The following PITPNM3 variants were observed in gnomAD, a reference collection of about 807,000 sequenced individuals.
PITPNM3 encodes the protein PITPNM family member 3.
Under a neutral mutation model 102.0 loss-of-function variants are expected in PITPNM3, and 26 were observed. That is an observed-to-expected ratio of 0.25 (90% CI 0.19 to 0.35). The LOEUF is 0.35. PITPNM3 is among the 10% of genes least tolerant of loss of function. The pLI is 1.00. For missense variants in PITPNM3, 1,083 were observed against 1,346.1 expected (o/e 0.80, Z 3.06); for synonymous variants, 578 against 558.6 (o/e 1.03, Z -0.49).
intron 3 of PITPNM3, among the ~76,000 whole-genome samples, chr17:6,513,315 T>C (rs1907977835): frequency 6.6e-6 from 1 of 151,934 alleles, no homozygotes; most frequent in Non-Finnish European, 1.5e-5. Flanking sequence ...GGAAATTAGA[T>C]AAGAAAAGGA....
chr17:6,484,940 A>G (rs1461842170), intron 4 of PITPNM3, among the ~76,000 whole-genome samples: 1 of 152,062 alleles, frequency 6.6e-6, no homozygotes. Flanking sequence ...TGCCTCACAC[A>G]TCAGCACTCC....
Position 6,491,836 on chromosome 17 carries a change from T to TAAAA in PITPNM3, c.275-7545_275-7544insTTTT, listed in dbSNP as rs1555554455. ...AATGGAATATATATATATATATATA[T>TAAAA]AATAAAGAATTAATTAAGAATTAAG... is the stretch of plus-strand genomic sequence containing the variant. On this transcript the variant is annotated intron_variant, in intron 4 of 19. Transcript: ENST00000262483. Among the ~76,000 whole-genome samples, 7 of 139,286 alleles carry TAAAA rather than the reference T, an allele frequency of 5.0e-5. 1 individual carries two copies. Among genetic ancestry groups the TAAAA allele is most frequent in the Admixed American group, 2.2e-4 (3 of 13,816 alleles). The allele number at this position is 139,286 out of a possible 152,430, so 91.4% of individuals were successfully genotyped here. A position where few individuals can be genotyped will look rare whatever the true frequency, so the allele number is the denominator to read the frequency against.
rs1910607016 is a variant in PITPNM3, at chr17:6,556,312, C to T, written c.22+73G>A. 1.5e-6 allele frequency: 2 copies of T among 1,301,748 alleles called. No homozygotes were observed. 80.6% of individuals were successfully genotyped at this position (1,301,748 alleles called of 1,614,324 possible). A position where few individuals can be genotyped will look rare whatever the true frequency, so the allele number is the denominator to read the frequency against. On this transcript the variant is annotated intron_variant, in intron 1 of 19. Coordinates refer to ENST00000262483, the MANE Select transcript of PITPNM3 (RefSeq NM_031220.4). This position sits in a 1 kb window ranked among gnomAD's most constrained non-coding sequence, Gnocchi z 5.2. ...ACCTGCGCGAGGGGTTCACCTGGGC[C>T]GGCGGCCCCTCCTCTAGACGCGCGA...
At chr17:6,498,574 G>A (rs749512551) in intron 4 of PITPNM3, among the ~76,000 whole-genome samples, 9 of 152,180 alleles carry the variant, frequency 5.9e-5, no homozygotes, top group Non-Finnish European at 1.0e-4. Context: ...AGGCAGGGAC[G>A]CCAGTGCACA....
rs1904444186 is a variant in PITPNM3, at chr17:6,461,409, C to A, written c.2454G>T (p.Arg818=). The change falls in exon 18 of 20, where the codon CGG becomes CGT. Residue 818 remains arginine (R), a synonymous_variant. Coordinates refer to ENST00000262483, the MANE Select transcript of PITPNM3 (RefSeq NM_031220.4). ...FSDGLVHDPL[R]QKAIFLRNLM... ...GGTTGCGCAGGAAGATGGCCTTCTG[C>A]CGCAGCGGGTCATGCACCAGCCCAT... is the stretch of plus-strand genomic sequence containing the variant. 1 of 1,614,032 alleles carries A rather than the reference C, an allele frequency of 6.2e-7. No homozygotes were observed. Among genetic ancestry groups the A allele is most frequent in the Admixed American group, 1.7e-5 (1 of 60,018 alleles).
intron 9 of PITPNM3, 109 bp downstream of exon 9, chr17:6,476,919 AG>A: frequency 7.4e-7 from 1 of 1,360,128 alleles, no homozygotes; most frequent in Non-Finnish European, 1.0e-6. Flanking sequence ...CCAGCATTTC[AG>A]TGCTTATCTA....
At chr17:6,548,671 G>C (rs1910155896) in intron 1 of PITPNM3, among the ~76,000 whole-genome samples, 2 of 152,132 alleles carry the variant, frequency 1.3e-5, no homozygotes, top group Non-Finnish European at 2.9e-5. Context: ...ACAAGTGAAA[G>C]CCTTCCAGCT....
Position 6,466,784 on chromosome 17 carries a change from C to G in PITPNM3, c.1890+1441G>C, listed in dbSNP as rs184209112. On this transcript the variant is annotated intron_variant, in intron 14 of 19. Coordinates refer to ENST00000262483, the MANE Select transcript of PITPNM3 (RefSeq NM_031220.4). Reference sequence around the variant, plus strand: ...ATGAAAACACAGGAGAAATGAAAAACACAAAAACTTATACATGGACGTTCA... The same window carrying G: ...ATGAAAACACAGGAGAAATGAAAAAGACAAAAACTTATACATGGACGTTCA... Among the ~76,000 whole-genome samples the G allele has an allele frequency of 5.3e-5, 8 of 152,166 alleles. No individual in the cohort carries two copies. The East Asian group carries it at 1.2e-3, about 22-fold the overall frequency.
chr17:6,547,002 G>A (rs1190302495), intron 1 of PITPNM3, among the ~76,000 whole-genome samples: 1 of 150,688 alleles, frequency 6.6e-6, no homozygotes, highest in Admixed American at 6.6e-5. Context: ...GCAAGACTCC[G>A]TCTCAAAAAA....
At chr17:6,464,120 G>C (rs1346021762) in intron 16 of PITPNM3, 50 bp downstream of exon 16, 1 of 1,613,066 alleles carries the variant, frequency 6.2e-7, no homozygotes, top group Non-Finnish European at 8.5e-7. Context: ...CTGGCTGGAA[G>C]GGCCATAGAA....
intron 1 of PITPNM3, among the ~76,000 whole-genome samples, chr17:6,553,487 C>G (rs1292573406): frequency 2.6e-5 from 4 of 152,226 alleles, no homozygotes; most frequent in African/African-American, 9.6e-5. Context: ...AAATCTGGCA[C>G]AGCCATGACC....
chr17:6,502,499 G>A lies in PITPNM3; in HGVS notation c.274+1028C>T, dbSNP rs192036298. Reference sequence around the variant, plus strand: ...AGATTCTCTGGCAGGGGATGCCTGTGCAGCCACTCAAGGCTGGGTTCCAGG... The same window carrying A: ...AGATTCTCTGGCAGGGGATGCCTGTACAGCCACTCAAGGCTGGGTTCCAGG... On this transcript the variant is annotated intron_variant, in intron 4 of 19. Transcript: ENST00000262483. Among the ~76,000 whole-genome samples, 11 of 152,268 alleles carry A rather than the reference G, an allele frequency of 7.2e-5. 1 individual carries two copies. Among genetic ancestry groups the A allele is most frequent in the Admixed American group, 3.9e-4 (6 of 15,292 alleles).
chr17:6,460,112 A>T (rs948911703), intron 18 of PITPNM3, among the ~76,000 whole-genome samples: 1 of 152,166 alleles, frequency 6.6e-6, no homozygotes, highest in Non-Finnish European at 1.5e-5. Context: ...CTGGTTTCCA[A>T]GGTTTTCAAG....
intron 1 of PITPNM3, among the ~76,000 whole-genome samples, chr17:6,551,284 G>A (rs932803547): frequency 2.6e-5 from 4 of 152,032 alleles, no homozygotes; most frequent in Non-Finnish European, 5.9e-5. Context: ...GTGAACCCGG[G>A]AGGTGGAGCT....
In PITPNM3 at chr17:6,478,467, C is replaced by G; in HGVS notation, c.777+80G>C. On this transcript the variant is annotated intron_variant, in intron 7 of 19. Coordinates refer to ENST00000262483, the MANE Select transcript of PITPNM3 (RefSeq NM_031220.4). This position sits in a 1 kb window ranked among gnomAD's most constrained non-coding sequence, Gnocchi z 4.4. ...ATTCGAGAACAGCCTGGCCTTGGCC[C>G]TTTCAGTAGATTCCAGCCTCTCTCC... 1 of 1,557,108 alleles carries G rather than the reference C, an allele frequency of 6.4e-7. No individual in the cohort carries two copies. Among genetic ancestry groups the G allele is most frequent in the Non-Finnish European group, 8.8e-7 (1 of 1,135,932 alleles).
At chr17:6,465,141 G>A (rs187641000) in intron 14 of PITPNM3, among the ~76,000 whole-genome samples, 4 of 152,302 alleles carry the variant, frequency 2.6e-5, no homozygotes, top group African/African-American at 9.6e-5. Flanking sequence ...CAACCTCCCG[G>A]GTTCAAGCAA....
rs1440887294 is a variant in PITPNM3, at chr17:6,469,078, T to C, written c.1774-737A>G. 6.6e-6 allele frequency among the ~76,000 whole-genome samples: 1 copy of C among 152,154 alleles called. No individual in the cohort carries two copies. Among genetic ancestry groups the C allele is most frequent in the Non-Finnish European group, 1.5e-5 (1 of 68,016 alleles). ...CCAACCTCAGGGATGTCCTCTTCTC[T>C]CCTTCAGTGGCTTCTCCTTCTCTCC... On this transcript the variant is annotated intron_variant, in intron 13 of 19. Transcript: ENST00000262483. The surrounding 1 kb of genome is among the most constrained non-coding windows in gnomAD (Gnocchi z 4.0).
chr17:6,506,453 C>A (rs981001287), intron 3 of PITPNM3, among the ~76,000 whole-genome samples: 1 of 151,298 alleles, frequency 6.6e-6, no homozygotes, highest in Non-Finnish European at 1.5e-5. Flanking sequence ...CTCACTGTAA[C>A]CTCCGCCTCC....
At chr17:6,482,981 G>A (rs969736419) in intron 6 of PITPNM3, among the ~76,000 whole-genome samples, 80 of 150,074 alleles carry the variant, frequency 5.3e-4, no homozygotes, top group African/African-American at 1.8e-3. Flanking sequence ...GTCTCACTCT[G>A]TCTCCCAGGC....
Sources: gnomAD v4.1 joint callset for allele counts (sites outside exome capture counted in the v4.1 genomes callset) on GRCh38, gnomAD v4.1.1 for gene constraint, Gnocchi (gnomAD v3.1) non-coding constraint, MANE v1.5 for transcripts, NCBI Gene and HGNC (gene_info 2026-07-23, HGNC 2026-07-21) for gene names.